Variants in VPS13C observed in about 807,000 individuals in gnomAD.
The protein encoded by VPS13C is vacuolar protein sorting 13 homolog C, also known as intermembrane lipid transfer protein VPS13C.
A neutral mutation model predicts 456.8 loss-of-function variants in VPS13C; 358 were observed. That is an observed-to-expected ratio of 0.78 (90% CI 0.72 to 0.86). The LOEUF is 0.86. Ranked by LOEUF, VPS13C falls within the 40% of genes least tolerant of loss-of-function variation. The pLI is 0.00. For synonymous variants in VPS13C, 1,578 were observed against 1,486.7 expected (o/e 1.06, Z -1.41); for missense variants, 4,818 against 4,385.4 (o/e 1.10, Z -2.79).
At chr15:61,895,720 C>T (rs1434159462) in intron 66 of VPS13C, among the ~76,000 whole-genome samples, 2 of 152,260 alleles carry the variant, frequency 1.3e-5, no homozygotes, top group Middle Eastern at 3.4e-3. Flanking sequence ...TTAAATACTG[C>T]ACATTCTCAC....
chr15:62,037,197 A>AATATAATATATAAATATATT (rs1275194518), intron 3 of VPS13C, among the ~76,000 whole-genome samples: 1 of 114,202 alleles, frequency 8.8e-6, no homozygotes, highest in Non-Finnish European at 1.7e-5. Flanking sequence ...AAATATAATA[A>AATATAATATATAAATATATT]ATATAATATA....
chr15:61,866,734 TAGCAC>T, intron 81 of VPS13C: 1 of 985,208 alleles, frequency 1.0e-6, no homozygotes, highest in Non-Finnish European at 1.2e-6. Context: ...TTTGTATATC[TAGCAC>T]ACGCTGGTTT....
intron 66 of VPS13C, among the ~76,000 whole-genome samples, chr15:61,895,660 A>C (rs78808524): frequency 0.011 from 1,685 of 152,286 alleles, 38 homozygotes; most frequent in African/African-American, 0.039. Flanking sequence ...AGAAACAGAA[A>C]ACCTAATTGG....
rs1214487261 is a variant in VPS13C, at chr15:61,867,653, A to C, written c.10863+1006T>G. 4 of 1,225,362 alleles carry C rather than the reference A, an allele frequency of 3.3e-6. No homozygotes were observed. Among genetic ancestry groups the C allele is most frequent in the Middle Eastern group, 3.2e-4 (1 of 3,082 alleles). 75.9% of individuals were successfully genotyped at this position (1,225,362 alleles called of 1,614,324 possible). On this transcript the variant is annotated intron_variant, in intron 81 of 84. Transcript: ENST00000644861. This position sits in a 1 kb window ranked among gnomAD's most constrained non-coding sequence, Gnocchi z 5.0. ...AGTAACAGTATCTGCTTCTGAGCTCAATAAAGGCTTTCATCTATTAAACGC... is the reference window on the plus strand; with the variant it reads ...AGTAACAGTATCTGCTTCTGAGCTCCATAAAGGCTTTCATCTATTAAACGC...
chr15:62,041,599 C>A (rs938991103), intron 2 of VPS13C, among the ~76,000 whole-genome samples: 1 of 152,080 alleles, frequency 6.6e-6, no homozygotes, highest in Non-Finnish European at 1.5e-5. Flanking sequence ...GGGTGGATCG[C>A]CTGAGTTCAG....
At chr15:61,943,019 T>C (rs937928355) in intron 45 of VPS13C, among the ~76,000 whole-genome samples, 10 of 152,014 alleles carry the variant, frequency 6.6e-5, no homozygotes, top group Admixed American at 2.6e-4. Context: ...CTGTTTACGA[T>C]AGCCATCAAA....
chr15:62,048,029 A>G lies in VPS13C; in HGVS notation c.101-3774T>C, dbSNP rs1293486475. On this transcript the variant is annotated intron_variant, in intron 1 of 84. Coordinates refer to ENST00000644861, the MANE Select transcript of VPS13C (RefSeq NM_020821.3). ...ATAGAAGTCATAGAAAGTTCTCAAA[A>G]AAACTGAAGGAAGGGTAAATATTTG... Among the ~76,000 whole-genome samples the G allele has an allele frequency of 3.3e-5, 5 of 151,996 alleles. No individual in the cohort carries two copies. In the South Asian group the frequency reaches 8.3e-4, roughly 25 times the overall value.
Position 62,028,419 on chromosome 15 carries a change from G to C in VPS13C, c.387C>G (p.Gly129=), listed in dbSNP as rs139665824. ...EEALQKAAEK[G]THSGEFIYGL... Reference sequence around the variant, plus strand: ...CATATATGAACTCCCCTGAATGTGTGCCTGCATCCCACATGGCAGCAATAA... The same window carrying C: ...CATATATGAACTCCCCTGAATGTGTCCCTGCATCCCACATGGCAGCAATAA... Residue 129 remains glycine, a splice_region_variant and synonymous_variant, in exon 6 of 85, where the codon GGC becomes GGG. Coordinates refer to ENST00000644861, the MANE Select transcript of VPS13C (RefSeq NM_020821.3). The C allele has an allele frequency of 9.3e-6, 15 of 1,612,688 alleles. No homozygotes were observed. The highest frequency in any genetic ancestry group is 1.3e-5 in the Non-Finnish European group (15 of 1,179,150).
Position 61,977,154 on chromosome 15 carries a change from T to C in VPS13C, c.2336A>G (p.His779Arg), listed in dbSNP as rs1385952724. 7 of 1,589,442 alleles carry C rather than the reference T, an allele frequency of 4.4e-6. No individual in the cohort carries two copies. In the African/African-American group the frequency reaches 5.4e-5, roughly 12 times the overall value. The change falls in exon 24 of 85, where the codon CAT becomes CGT. Residue 779 changes from histidine (H) to arginine (R), a missense_variant. His to Arg is a conservative substitution (Grantham distance 29). Transcript: ENST00000644861. ...KCRFQHPSTM[H>R]ILQPMDIHVE... is the part of the protein sequence containing the mutation. ...ATGAATATCCATGGGTTGCAATATATGCATAGTTGATGGATGCTGAAATCG... is the reference window on the plus strand; with the variant it reads ...ATGAATATCCATGGGTTGCAATATACGCATAGTTGATGGATGCTGAAATCG...
At chr15:61,870,943 A>G (rs1481874451) in intron 79 of VPS13C, among the ~76,000 whole-genome samples, 1 of 152,106 alleles carries the variant, frequency 6.6e-6, no homozygotes, top group Non-Finnish European at 1.5e-5. Flanking sequence ...TCTTTTGCTC[A>G]TTTAAAATTG....
At chr15:62,015,369 T>G (rs1389416074) in intron 9 of VPS13C, among the ~76,000 whole-genome samples, 1 of 152,092 alleles carries the variant, frequency 6.6e-6, no homozygotes, top group Admixed American at 6.5e-5. Context: ...TTAGATCCCA[T>G]TTGTCAATTT....
Position 61,936,608 on chromosome 15 carries a change from T to G in VPS13C, c.5744A>C (p.Asp1915Ala). ...VRKVDVSSVP[D>A]HLKEQEDWTD... Reference sequence around the variant, plus strand: ...TCATCAATTTATACCTTTGAGATGGTCAGGTACACTTGAAACATCAACTTT... The same window carrying G: ...TCATCAATTTATACCTTTGAGATGGGCAGGTACACTTGAAACATCAACTTT... Residue 1915 changes from aspartate (D) to alanine (A), a missense_variant, in exon 48 of 85, where the codon GAC becomes GCC. Physicochemically the swap from Asp to Ala is moderately radical, Grantham distance 126. Transcript: ENST00000644861. 1 of 1,576,774 alleles carries G rather than the reference T, an allele frequency of 6.3e-7. No individual in the cohort carries two copies. Among genetic ancestry groups the G allele is most frequent in the Non-Finnish European group, 8.6e-7 (1 of 1,165,444 alleles).
intron 18 of VPS13C, 88 bp from the exon 19 acceptor site, chr15:61,985,087 T>A (rs2046003308): frequency 1.9e-6 from 2 of 1,079,702 alleles, no homozygotes; most frequent in Middle Eastern, 6.9e-4. Context: ...TGCTGAATTA[T>A]AAAGCAACCT....
At chr15:61,905,782 T>A (rs1296362024) in intron 66 of VPS13C, among the ~76,000 whole-genome samples, 1 of 152,156 alleles carries the variant, frequency 6.6e-6, no homozygotes, top group Non-Finnish European at 1.5e-5. Context: ...AAAGATATAA[T>A]CTTTGTCATT....
At chr15:61,908,568 A>T (rs996551386) in intron 65 of VPS13C, among the ~76,000 whole-genome samples, 1 of 152,118 alleles carries the variant, frequency 6.6e-6, no homozygotes, top group African/African-American at 2.4e-5. Flanking sequence ...CAAAAAAACT[A>T]AATACAGATT....
intron 42 of VPS13C, among the ~76,000 whole-genome samples, chr15:61,948,663 A>G (rs2044687183): frequency 1.3e-5 from 2 of 152,022 alleles, no homozygotes; most frequent in Admixed American, 1.3e-4. Context: ...AGCCTGAGCA[A>G]CAAAAGTGAA....
intron 6 of VPS13C, among the ~76,000 whole-genome samples, chr15:62,026,288 C>T (rs2047634974): frequency 6.6e-6 from 1 of 151,830 alleles, no homozygotes; most frequent in Non-Finnish European, 1.5e-5. Flanking sequence ...AACCCCTTTA[C>T]ACATGTATGA....
chr15:61,890,024 A>G, intron 67 of VPS13C, 141 bp downstream of exon 67: 3 of 738,166 alleles, frequency 4.1e-6, no homozygotes, highest in Non-Finnish European at 6.5e-6. Flanking sequence ...AACAGTTCAA[A>G]GAATTATTCA....
intron 42 of VPS13C, among the ~76,000 whole-genome samples, 193 bp from the exon 43 acceptor site, chr15:61,947,502 C>G (rs890495145): frequency 2.6e-5 from 4 of 151,966 alleles, no homozygotes; most frequent in African/African-American, 9.7e-5. Context: ...TTAGCACGTT[C>G]CCCTTCAAAT....
Sources: gnomAD v4.1 joint callset for allele counts (sites outside exome capture counted in the v4.1 genomes callset) on GRCh38, gnomAD v4.1.1 for gene constraint, Gnocchi (gnomAD v3.1) non-coding constraint, MANE v1.5 for transcripts, NCBI Gene and HGNC (gene_info 2026-07-23, HGNC 2026-07-21) for gene names.